The following RNF38 variants were observed in gnomAD, a reference collection of about 807,000 sequenced individuals.
RNF38 encodes E3 ubiquitin-protein ligase RNF38.
Under a neutral mutation model 67.2 loss-of-function variants are expected in RNF38, and 15 were observed. The ratio of observed to expected loss-of-function variants is 0.22; its 90% CI spans 0.15 to 0.34. The LOEUF (loss-of-function observed/expected upper bound fraction) is 0.34, where lower values mean the gene tolerates loss of function less well. Among genes scored for constraint, RNF38 ranks in the 10% least tolerant of loss-of-function variants. The pLI, the probability that RNF38 is intolerant of heterozygous loss-of-function variation, is 1.00. For missense variants in RNF38, 524 were observed against 639.9 expected (o/e 0.82, Z 1.95); for synonymous variants, 220 against 218.8 (o/e 1.01, Z -0.05).
chr9:36,356,171 T>C (rs1834091510), intron 6 of RNF38, 132 bp downstream of exon 6: 1 of 859,854 alleles, frequency 1.2e-6, no homozygotes, highest in African/African-American at 1.7e-5. Context: ...AAGCATGCCA[T>C]TTAAACATAG....
chr9:36,347,327 C>A (rs904675795), intron 9 of RNF38, among the ~76,000 whole-genome samples: 5 of 152,006 alleles, frequency 3.3e-5, no homozygotes, highest in Non-Finnish European at 7.4e-5. Flanking sequence ...CACTTTACTG[C>A]GCTTTGCTTT....
At chr9:36,345,063 C>T (rs1290943330) in intron 9 of RNF38, 110 bp from the exon 10 acceptor site, 46 of 1,162,544 alleles carry the variant, frequency 4.0e-5, no homozygotes, top group Non-Finnish European at 4.3e-5. Context: ...TAGAGTATAG[C>T]GGCTGTTCAC....
intron 1 of RNF38, among the ~76,000 whole-genome samples, chr9:36,479,467 G>T (rs1472118062): frequency 6.6e-6 from 1 of 152,224 alleles, no homozygotes; most frequent in African/African-American, 2.4e-5. Flanking sequence ...CCATGTGGGG[G>T]TGGAGAGAAG....
At chr9:36,397,879 C>A (rs530796702) in intron 1 of RNF38, among the ~76,000 whole-genome samples, 108 of 152,162 alleles carry the variant, frequency 7.1e-4, no homozygotes, top group African/African-American at 2.5e-3. Context: ...AGGTTGGTTA[C>A]CACAAAGAAT....
intron 2 of RNF38, among the ~76,000 whole-genome samples, chr9:36,381,114 C>T (rs1836180896): frequency 6.6e-6 from 1 of 152,204 alleles, no homozygotes; most frequent in Non-Finnish European, 1.5e-5. Flanking sequence ...TCACTCCTCA[C>T]ACCCTATTTG....
At position 36,348,129 on chromosome 9, in the gene RNF38, A is replaced by G. The variant is rs141254467; in HGVS notation, c.1263+2986T>C. Among the ~76,000 whole-genome samples the G allele has an allele frequency of 5.6e-3, 845 of 152,240 alleles. 10 individuals carry two copies. The highest frequency in any genetic ancestry group is 0.027 in the Middle Eastern group (8 of 294). The stretch of plus-strand genomic sequence containing the variant: ...TTAAGCTTAGTAAGAAAGGCATGTC[A>G]AAGCGGAGACAGGCCAAAATGTAGG... On this transcript the variant is annotated intron_variant, in intron 9 of 11. Coordinates refer to ENST00000259605, the MANE Select transcript of RNF38 (RefSeq NM_022781.5).
intron 1 of RNF38, among the ~76,000 whole-genome samples, chr9:36,436,561 C>T (rs962991061): frequency 1.3e-5 from 2 of 152,150 alleles, no homozygotes; most frequent in Admixed American, 6.5e-5. Context: ...CAGTGGCTCA[C>T]ACCTGTAATC....
chr9:36,466,573 G>A lies in RNF38; in HGVS notation n.241+20735C>T, dbSNP rs1018964684. On this transcript the variant is annotated intron_variant and non_coding_transcript_variant, in intron 1 of 3. Coordinates refer to the RNF38 transcript ENST00000488058. ...TTACAAGATATGAATGTTTCTATACGTATTTCGTATGTCAAACAAATGTTT... is the reference window on the plus strand; with the variant it reads ...TTACAAGATATGAATGTTTCTATACATATTTCGTATGTCAAACAAATGTTT... Among the ~76,000 whole-genome samples the A allele has an allele frequency of 5.9e-5, 9 of 151,962 alleles. No homozygotes were observed. In the South Asian group the frequency reaches 8.3e-4, roughly 14 times the overall value.
intron 1 of RNF38, among the ~76,000 whole-genome samples, chr9:36,435,008 C>T (rs6476556): frequency 0.54 from 81,771 of 151,958 alleles, 23,089 homozygotes; most frequent in Non-Finnish European, 0.64. Context: ...GAAGAGGAAG[C>T]TCTTTATGTA....
intron 2 of RNF38, among the ~76,000 whole-genome samples, chr9:36,385,001 G>C (rs1340840589): frequency 6.6e-6 from 1 of 152,176 alleles, no homozygotes; most frequent in African/African-American, 2.4e-5. Context: ...AGCAATCATC[G>C]AGCTGATCCT....
chr9:36,414,589 G>A (rs561781135), intron 2 of RNF38, among the ~76,000 whole-genome samples: 1 of 151,920 alleles, frequency 6.6e-6, no homozygotes, highest in Non-Finnish European at 1.5e-5. Context: ...GGGAGGCTGA[G>A]GCAGGAGAAT....
chr9:36,479,713 G>A (rs1344701728), intron 1 of RNF38, among the ~76,000 whole-genome samples: 1 of 151,934 alleles, frequency 6.6e-6, no homozygotes, highest in Admixed American at 6.6e-5. Context: ...TATTGAGGTG[G>A]CAATAAAAAT....
intron 4 of RNF38, among the ~76,000 whole-genome samples, chr9:36,364,879 C>CAGCA (rs1255716062): frequency 6.6e-6 from 1 of 152,186 alleles, no homozygotes; most frequent in East Asian, 1.9e-4. Flanking sequence ...TCAGCTGATT[C>CAGCA]AGCTAATACT....
At chr9:36,462,713 C>T (rs1433370296) in intron 1 of RNF38, among the ~76,000 whole-genome samples, 1 of 150,710 alleles carries the variant, frequency 6.6e-6, no homozygotes, top group East Asian at 1.9e-4. Flanking sequence ...CCTGCTCTGT[C>T]GCCCAGGCTG....
chr9:36,457,465 T>C (rs1381169026), intron 1 of RNF38, among the ~76,000 whole-genome samples: 1 of 152,238 alleles, frequency 6.6e-6, no homozygotes. Flanking sequence ...CATTAGATTC[T>C]GAAAGTCTGC....
chr9:36,356,354 A>C lies in RNF38; in HGVS notation c.858T>G (p.His286Gln), dbSNP rs1241738225. 1 of 1,613,944 alleles carries C rather than the reference A, an allele frequency of 6.2e-7. No individual in the cohort carries two copies. Among genetic ancestry groups the C allele is most frequent in the Non-Finnish European group, 8.5e-7 (1 of 1,179,988 alleles). ...GGACAAACTGGCCTGGTGGTGGCAA[A>C]TGAGGAGGATGATGGGGAGAAAGGT... The part of the protein sequence containing the change: ...PPHLSPHHPP[H>Q]LPPPGQFVPF... Residue 286 changes from histidine to glutamine, a missense_variant, in exon 6 of 12, where the codon CAT becomes CAG. His to Gln is a conservative substitution (Grantham distance 24). Around this residue, in one of 2 missense-constraint regions of RNF38, gnomAD observed 461 missense variants for 517.4 expected, o/e 0.89. Coordinates refer to ENST00000259605, the MANE Select transcript of RNF38 (RefSeq NM_022781.5).
chr9:36,487,214 G>A (rs1036069645), intron 1 of RNF38: 19 of 794,614 alleles, frequency 2.4e-5, no homozygotes, highest in African/African-American at 1.5e-4. Flanking sequence ...CCTCCCCGTC[G>A]GCGGGGCCGG....
upstream of RNF38, chr9:36,401,296 C>G: frequency 3.7e-6 from 3 of 812,994 alleles, no homozygotes; most frequent in Non-Finnish European, 4.5e-6. Context: ...CTGCGCAGCC[C>G]CGCCCCAGCC....
chr9:36,425,056 T>C (rs1020338214), intron 1 of RNF38, among the ~76,000 whole-genome samples: 5 of 152,184 alleles, frequency 3.3e-5, no homozygotes, highest in Admixed American at 2.0e-4. Context: ...AGACTACACA[T>C]GCTTTGAGAA....
Sources: gnomAD v4.1 joint callset for allele counts (sites outside exome capture counted in the v4.1 genomes callset) on GRCh38, gnomAD v4.1.1 for gene constraint, gnomAD v4.1.1 regional missense constraint, MANE v1.5 for transcripts, NCBI Gene and HGNC (gene_info 2026-07-23, HGNC 2026-07-21) for gene names.